AUTS2: variants seen among roughly 807,000 people sequenced by gnomAD.
AUTS2 encodes autism susceptibility gene 2 protein.
AUTS2 carries 17 observed loss-of-function variants against 112.4 expected under a neutral mutation model. That is an observed-to-expected ratio of 0.15 (90% CI 0.10 to 0.23). AUTS2 has a LOEUF of 0.23. Ranked by LOEUF, AUTS2 falls within the 10% of genes least tolerant of loss-of-function variation. The pLI, the probability that AUTS2 is intolerant of heterozygous loss-of-function variation, is 1.00. For synonymous variants in AUTS2, 751 were observed against 702.7 expected, an observed-to-expected ratio of 1.07 and a Z score of -1.09; for missense variants, 1,510 against 1,701.6, an observed-to-expected ratio of 0.89 and a Z score of 1.98.
chr7:70,276,268 G>T (rs766912145), intron 4 of AUTS2, among the ~76,000 whole-genome samples: 1 of 151,822 alleles, frequency 6.6e-6, no homozygotes, highest in African/African-American at 2.4e-5. Flanking sequence ...AATATCAATT[G>T]TAAAATAAAT....
chr7:69,830,970 G>C (rs1012908202), intron 1 of AUTS2, among the ~76,000 whole-genome samples: 2 of 152,162 alleles, frequency 1.3e-5, no homozygotes, highest in African/African-American at 4.8e-5. Flanking sequence ...TCCCTTCAGA[G>C]GTAGAGAGCC....
intron 5 of AUTS2, among the ~76,000 whole-genome samples, chr7:70,500,973 T>C (rs1443809225): frequency 1.3e-5 from 2 of 152,120 alleles, no homozygotes; most frequent in African/African-American, 4.8e-5. Flanking sequence ...TCCGCCCGCC[T>C]CAGTCTCCCA....
At chr7:69,637,173 G>T (rs895810327) in intron 1 of AUTS2, among the ~76,000 whole-genome samples, 1 of 152,212 alleles carries the variant, frequency 6.6e-6, no homozygotes, top group East Asian at 1.9e-4. Context: ...CCAGGTTTTC[G>T]ATGTTATAAC....
chr7:70,415,543 C>T (rs1167716833), intron 4 of AUTS2, among the ~76,000 whole-genome samples: 1 of 152,148 alleles, frequency 6.6e-6, no homozygotes, highest in African/African-American at 2.4e-5. Context: ...TAGTTCTACT[C>T]ATGCAGACAA....
intron 5 of AUTS2, among the ~76,000 whole-genome samples, chr7:70,470,224 G>C (rs1230967850): frequency 1.3e-5 from 2 of 152,184 alleles, no homozygotes; most frequent in African/African-American, 4.8e-5. Context: ...GAACCGATTG[G>C]TTAACAAAGC....
intron 1 of AUTS2, among the ~76,000 whole-genome samples, chr7:69,605,027 T>C (rs1372007470): frequency 6.6e-6 from 1 of 152,266 alleles, no homozygotes; most frequent in African/African-American, 2.4e-5. Context: ...ATTAAAAGTC[T>C]ATTGTGTGAA....
In AUTS2 at chr7:70,491,589, T is replaced by TTGTGTGTGTG. The variant is rs71077660; in HGVS notation, c.690+55834_690+55843dup. On this transcript the variant is annotated intron_variant, in intron 5 of 18. Transcript: ENST00000342771. ...TATGTGTATATATAATGTATATATA[T>TTGTGTGTGTG]TGTGTGTGTGTGTGTGTGTGTGTGT... 9.9e-3 allele frequency among the ~76,000 whole-genome samples: 1,380 copies of TTGTGTGTGTG among 138,800 alleles called. 12 individuals carry two copies. The highest frequency in any genetic ancestry group is 0.017 in the Admixed American group (235 of 13,680). 91.1% of individuals were successfully genotyped at this position (138,800 alleles called of 152,430 possible).
At chr7:69,733,523 G>A (rs1786891650) in intron 1 of AUTS2, among the ~76,000 whole-genome samples, 1 of 152,188 alleles carries the variant, frequency 6.6e-6, no homozygotes. Flanking sequence ...TGAGAAGGGA[G>A]TGTTCAAGGG....
At chr7:70,158,686 C>T (rs575433215) in intron 4 of AUTS2, among the ~76,000 whole-genome samples, 1 of 151,978 alleles carries the variant, frequency 6.6e-6, no homozygotes, top group African/African-American at 2.4e-5. Flanking sequence ...AGAGAAGCAG[C>T]CTGGACCTCT....
At chr7:69,970,361 A>G (rs937088455) in intron 2 of AUTS2, among the ~76,000 whole-genome samples, 1 of 152,166 alleles carries the variant, frequency 6.6e-6, no homozygotes, top group Admixed American at 6.5e-5. Context: ...TATATATTTA[A>G]TTGGTTAGGT....
chr7:70,720,028 G>C (rs1810578051), intron 6 of AUTS2, among the ~76,000 whole-genome samples: 1 of 152,186 alleles, frequency 6.6e-6, no homozygotes. Flanking sequence ...GCCTCTCACA[G>C]ATCTCTAGCC....
At chr7:69,669,401 A>AT (rs946900134) in intron 1 of AUTS2, among the ~76,000 whole-genome samples, 1 of 151,888 alleles carries the variant, frequency 6.6e-6, no homozygotes, top group African/African-American at 2.4e-5. Flanking sequence ...TGACTTTTTG[A>AT]TTTATTATAT....
chr7:70,054,708 G>A (rs1177268517), intron 2 of AUTS2, among the ~76,000 whole-genome samples: 1 of 152,126 alleles, frequency 6.6e-6, no homozygotes, highest in Non-Finnish European at 1.5e-5. Flanking sequence ...TGCACAGAAT[G>A]AATCAAAATC....
At chr7:70,257,045 T>A (rs1562826879) in intron 4 of AUTS2, among the ~76,000 whole-genome samples, 1 of 152,218 alleles carries the variant, frequency 6.6e-6, no homozygotes, top group Non-Finnish European at 1.5e-5. Flanking sequence ...TCTTCATTGT[T>A]TTTTAAGCAT....
chr7:69,781,001 T>A (rs1764759232), intron 1 of AUTS2, among the ~76,000 whole-genome samples: 1 of 152,246 alleles, frequency 6.6e-6, no homozygotes, highest in Non-Finnish European at 1.5e-5. Context: ...TGTTTTAACC[T>A]ACTGCTCCTA....
intron 4 of AUTS2, among the ~76,000 whole-genome samples, chr7:70,179,884 G>A (rs992626115): frequency 1.6e-4 from 24 of 152,124 alleles, no homozygotes; most frequent in African/African-American, 5.8e-4. Flanking sequence ...GATCTAGCTG[G>A]ATGTTCAACA....
At chr7:70,143,107 T>G (rs1441598929) in intron 4 of AUTS2, among the ~76,000 whole-genome samples, 1 of 152,226 alleles carries the variant, frequency 6.6e-6, no homozygotes, top group Admixed American at 6.5e-5. Context: ...AACTTATAGC[T>G]TGGTGAAACA....
At chr7:70,245,144 G>GTGTGTGTATATATATA (rs1233136341) in intron 4 of AUTS2, among the ~76,000 whole-genome samples, 1 of 108,998 alleles carries the variant, frequency 9.2e-6, no homozygotes, top group African/African-American at 4.2e-5. Flanking sequence ...GTGTGTGTGT[G>GTGTGTGTATATATATA]TATATATATA....
At chr7:69,861,206 C>G (rs895034978) in intron 1 of AUTS2, among the ~76,000 whole-genome samples, 6 of 152,146 alleles carry the variant, frequency 3.9e-5, no homozygotes, top group African/African-American at 1.4e-4. Context: ...CCCCTTACCC[C>G]CTTCAGAAGG....
Sources: allele counts gnomAD v4.1 joint callset (sites outside exome capture counted in the v4.1 genomes callset), GRCh38; gene constraint gnomAD v4.1.1; transcripts MANE v1.5; gene names NCBI Gene and HGNC (gene_info 2026-07-23, HGNC 2026-07-21).